C8orf88: variants seen among roughly 807,000 people sequenced by gnomAD.
C8orf88 encodes uncharacterized protein C8orf88.
A neutral mutation model predicts 18.4 loss-of-function variants in C8orf88; 14 were observed. The observed-to-expected ratio is 0.76, with a 90% CI of 0.50 to 1.19. C8orf88 has a LOEUF of 1.19. Ranked by LOEUF, C8orf88 falls within the 50% of genes most tolerant of loss-of-function variation. The pLI is 0.00. For missense variants in C8orf88, 116 were observed against 134.7 expected, an observed-to-expected ratio of 0.86 and a Z score of 0.69; for synonymous variants, 45 against 42.9, an observed-to-expected ratio of 1.05 and a Z score of -0.19.
At chr8:90,962,636 T>TA (rs1454464967) in intron 4 of C8orf88, among the ~76,000 whole-genome samples, 4 of 151,300 alleles carry the variant, frequency 2.6e-5, no homozygotes, top group Non-Finnish European at 5.9e-5. Context: ...TCATTACTTT[T>TA]ATAGGTTCCC....
At chr8:90,976,089 G>C (rs574196540) in intron 3 of C8orf88, among the ~76,000 whole-genome samples, 1 of 151,988 alleles carries the variant, frequency 6.6e-6, no homozygotes, top group Non-Finnish European at 1.5e-5. Flanking sequence ...TAAAAGAAGC[G>C]GATCAGTGGA....
intron 4 of C8orf88, 77 bp downstream of exon 4, chr8:90,970,989 A>C: frequency 1.3e-6 from 1 of 755,336 alleles, no homozygotes; most frequent in East Asian, 3.0e-5. Flanking sequence ...TTTGCATCTA[A>C]GTGATAAAGT....
chr8:90,975,626 T>TA, intron 3 of C8orf88, among the ~76,000 whole-genome samples: 1 of 152,026 alleles, frequency 6.6e-6, no homozygotes, highest in Non-Finnish European at 1.5e-5. Context: ...TGGCTAAAAA[T>TA]AAAAAGATTG....
chr8:90,972,015 T>G (rs1811290764), intron 3 of C8orf88, among the ~76,000 whole-genome samples: 1 of 152,084 alleles, frequency 6.6e-6, no homozygotes, highest in Admixed American at 6.6e-5. Flanking sequence ...CCTCTTGTGC[T>G]GACAAAAATC....
At chr8:90,982,152 G>T (rs1811443056) in intron 1 of C8orf88, among the ~76,000 whole-genome samples, 2 of 152,058 alleles carry the variant, frequency 1.3e-5, no homozygotes, top group Admixed American at 1.3e-4. Flanking sequence ...TAATGTGTCT[G>T]TTAGCTAGTA....
At position 90,976,222 on chromosome 8, in the gene C8orf88, C is replaced by G. The variant is rs115583705; in HGVS notation, c.147+2357G>C. On this transcript the variant is annotated intron_variant, in intron 3 of 5. Transcript: ENST00000517562. The stretch of plus-strand genomic sequence containing the variant: ...TTTCATTGTGGGGTTCATTACATAG[C>G]ATAAATATTTCTCAAAAGTCATTGA... Among the ~76,000 whole-genome samples, 451 of 152,046 alleles carry G rather than the reference C, an allele frequency of 3.0e-3. 1 individual carries two copies. Among genetic ancestry groups the G allele is most frequent in the African/African-American group, 6.6e-3 (276 of 41,540 alleles).
At chr8:90,974,526 T>A (rs1481463556) in intron 3 of C8orf88, among the ~76,000 whole-genome samples, 1 of 152,000 alleles carries the variant, frequency 6.6e-6, no homozygotes, top group African/African-American at 2.4e-5. Flanking sequence ...TACACTAAAG[T>A]GAGATAGGGC....
intron 5 of C8orf88, 33 bp downstream of exon 5, chr8:90,960,709 A>T: frequency 7.5e-6 from 9 of 1,193,900 alleles, no homozygotes; most frequent in Non-Finnish European, 1.1e-5. Flanking sequence ...TTTGTAATAT[A>T]ATATTACAAT....
At chr8:90,963,552 C>T (rs951137841) in intron 4 of C8orf88, among the ~76,000 whole-genome samples, 16 of 151,616 alleles carry the variant, frequency 1.1e-4, no homozygotes, top group African/African-American at 3.9e-4. Context: ...TTTAAATATG[C>T]TCAAAGAGCT....
intron 2 of C8orf88, among the ~76,000 whole-genome samples, chr8:90,978,920 A>T (rs982638286): frequency 1.3e-5 from 2 of 152,196 alleles, no homozygotes; most frequent in Non-Finnish European, 2.9e-5. Flanking sequence ...ATACAATTTG[A>T]TAAGCAGTAT....
intron 4 of C8orf88, among the ~76,000 whole-genome samples, chr8:90,969,239 G>T (rs1811249974): frequency 1.3e-5 from 2 of 151,766 alleles, no homozygotes; most frequent in Admixed American, 1.3e-4. Flanking sequence ...TTGAGAAATG[G>T]ATAACAAAAT....
chr8:90,969,109 T>C lies in C8orf88; in HGVS notation c.223+1957A>G, dbSNP rs190354565. On this transcript the variant is annotated intron_variant, in intron 4 of 5. Transcript: ENST00000517562. ...ACTACCAATGATCCAGCAAGTCGGCTCCTAGGTATATGCCTGAGAGAAATG... is the reference window on the plus strand; with the variant it reads ...ACTACCAATGATCCAGCAAGTCGGCCCCTAGGTATATGCCTGAGAGAAATG... Among the ~76,000 whole-genome samples the C allele has an allele frequency of 1.4e-4, 22 of 151,894 alleles. No individual in the cohort carries two copies. The East Asian group carries it at 3.9e-3, about 27-fold the overall frequency.
At chr8:90,970,212 TG>T (rs1171666855) in intron 4 of C8orf88, among the ~76,000 whole-genome samples, 1 of 151,874 alleles carries the variant, frequency 6.6e-6, no homozygotes, top group Admixed American at 6.6e-5. Context: ...AACTATGTGG[TG>T]GGGAGATGAA....
At chr8:90,972,549 T>C (rs1473302913) in intron 3 of C8orf88, among the ~76,000 whole-genome samples, 1 of 152,086 alleles carries the variant, frequency 6.6e-6, no homozygotes, top group Non-Finnish European at 1.5e-5. Context: ...TGTCTGTACA[T>C]ATTAAAAACT....
chr8:90,964,467 C>T (rs1361224202), intron 4 of C8orf88, among the ~76,000 whole-genome samples: 2 of 151,494 alleles, frequency 1.3e-5, no homozygotes, highest in African/African-American at 2.4e-5. Flanking sequence ...CACAGATAAC[C>T]AAATACTGAC....
intron 4 of C8orf88, among the ~76,000 whole-genome samples, chr8:90,967,221 C>T (rs2130306953): frequency 6.6e-6 from 1 of 151,888 alleles, no homozygotes; most frequent in Non-Finnish European, 1.5e-5. Context: ...TGTATTATTA[C>T]TGATTTTGAT....
Position 90,979,645 on chromosome 8 carries a change from T to C in C8orf88, c.73+718A>G, listed in dbSNP as rs558885601. ...GTATCTATATTTTCCCATTTATAAG[T>C]AGTAATTCAGCTGAATACACAGACT... On this transcript the variant is annotated intron_variant, in intron 2 of 5. Transcript: ENST00000517562. 3.9e-5 allele frequency among the ~76,000 whole-genome samples: 6 copies of C among 152,322 alleles called. No homozygotes were observed. In the East Asian group the frequency reaches 7.7e-4, roughly 20 times the overall value.
intron 1 of C8orf88, among the ~76,000 whole-genome samples, chr8:90,984,859 C>A (rs1811481964): frequency 1.3e-5 from 2 of 152,144 alleles, no homozygotes; most frequent in South Asian, 4.1e-4. Flanking sequence ...CGGCCACTTG[C>A]CCCTCCGTCG....
chr8:90,959,603 C>A (rs568954795), intron 5 of C8orf88, among the ~76,000 whole-genome samples: 1 of 151,156 alleles, frequency 6.6e-6, no homozygotes, highest in Non-Finnish European at 1.5e-5. Flanking sequence ...AAAGAATTGG[C>A]TAGAGATCTA....
Sources: gnomAD v4.1 joint callset for allele counts (sites outside exome capture counted in the v4.1 genomes callset) on GRCh38, gnomAD v4.1.1 for gene constraint, MANE v1.5 for transcripts, NCBI Gene and HGNC (gene_info 2026-07-23, HGNC 2026-07-21) for gene names.